Variants in PDXDC1 observed in about 807,000 individuals in gnomAD.
PDXDC1 encodes pyridoxal-dependent decarboxylase domain-containing protein 1.
Under a neutral mutation model 100.1 loss-of-function variants are expected in PDXDC1, and 42 were observed. The ratio of observed to expected loss-of-function variants is 0.42; its 90% CI spans 0.33 to 0.54. The LOEUF (loss-of-function observed/expected upper bound fraction) is 0.54, where lower values mean the gene tolerates loss of function less well. Among genes scored for constraint, PDXDC1 ranks in the 20% least tolerant of loss-of-function variants. PDXDC1 has a pLI of 0.10. For missense variants in PDXDC1, 636 were observed against 979.2 expected (o/e 0.65, Z 4.68); for synonymous variants, 260 against 371.7 (o/e 0.70, Z 3.46).
chr16:15,078,812 CTT>C (rs5816111), intron 16 of PDXDC1, among the ~76,000 whole-genome samples: 111 of 117,636 alleles, frequency 9.4e-4, no homozygotes, highest in Middle Eastern at 4.7e-3. Context: ...GTATTTTTTT[CTT>C]TTTTTTTTTT....
the PDXDC1 span, among the ~76,000 whole-genome samples, chr16:15,148,369 G>GTTTTTTTT: frequency 1.2e-5 from 1 of 82,344 alleles, no homozygotes. Context: ...CAGATCCTGT[G>GTTTTTTTT]ATTTTTTTTT....
At chr16:15,114,792 TTG>T (rs1337799087) in intron 16 of PDXDC1, among the ~76,000 whole-genome samples, 1 of 126,812 alleles carries the variant, frequency 7.9e-6, no homozygotes, top group Non-Finnish European at 1.7e-5. Flanking sequence ...ATGTGGGGTG[TTG>T]TCTTTCTTGG....
upstream of PDXDC1, chr16:14,974,777 G>T: frequency 6.5e-7 from 1 of 1,535,500 alleles, no homozygotes; most frequent in Non-Finnish European, 8.7e-7. Context: ...TGAGGCGGGA[G>T]ACTTGGAAGC....
intron 1 of PDXDC1, among the ~76,000 whole-genome samples, chr16:14,981,043 CT>C (rs1261162841): frequency 1.3e-5 from 2 of 152,250 alleles, no homozygotes; most frequent in African/African-American, 4.8e-5. Context: ...TGGACAAATC[CT>C]TGTATAGAAA....
In PDXDC1 at chr16:15,036,318, G is replaced by A. The variant is rs367659221; in HGVS notation, c.*43G>A. 5.2e-5 allele frequency: 80 copies of A among 1,525,402 alleles called. 1 individual carries two copies. Among genetic ancestry groups the A allele is most frequent in the Non-Finnish European group, 5.8e-5 (65 of 1,117,176 alleles). 94.5% of individuals were successfully genotyped at this position (1,525,402 alleles called of 1,614,324 possible). ...GAGACTGTACTGAGTATTGTTTCAG[G>A]GAAGATGAAGTTCTATTGGAAATGT... On this transcript the variant is annotated 3_prime_UTR_variant, in exon 23 of 23. Coordinates refer to ENST00000396410, the MANE Select transcript of PDXDC1 (RefSeq NM_015027.4).
the PDXDC1 span, among the ~76,000 whole-genome samples, chr16:15,145,799 G>A: frequency 6.6e-6 from 1 of 152,276 alleles, no homozygotes; most frequent in African/African-American, 2.4e-5. Context: ...AGACGTGCCC[G>A]GCCTCAGCCA....
At chr16:15,111,003 C>A (rs1256100960) in intron 16 of PDXDC1, among the ~76,000 whole-genome samples, 1 of 148,020 alleles carries the variant, frequency 6.8e-6, no homozygotes, top group Admixed American at 6.8e-5. Flanking sequence ...GCAGTGGGCG[C>A]CTGTAATCCG....
At chr16:15,128,541 A>C (rs553437377) in intron 16 of PDXDC1, among the ~76,000 whole-genome samples, 33 of 152,254 alleles carry the variant, frequency 2.2e-4, no homozygotes, top group East Asian at 2.1e-3. Flanking sequence ...CGAGGAGCTG[A>C]GGTTACTGCA....
At chr16:15,088,113 T>A (rs568042190) in intron 16 of PDXDC1, among the ~76,000 whole-genome samples, 1 of 150,990 alleles carries the variant, frequency 6.6e-6, no homozygotes, top group Non-Finnish European at 1.5e-5. Context: ...CAAAACTCCG[T>A]CTCAAAAAGA....
At chr16:15,130,507 T>A in intron 16 of PDXDC1, 1 of 1,353,752 alleles carries the variant, frequency 7.4e-7, no homozygotes, top group South Asian at 1.2e-5. Flanking sequence ...AGGTTGGATA[T>A]CGGAGTCCCA....
intron 16 of PDXDC1, chr16:15,084,785 G>T: frequency 5.0e-6 from 5 of 1,007,230 alleles, no homozygotes; most frequent in Non-Finnish European, 7.9e-6. Context: ...ATAAATGCTG[G>T]CTGGGCACAG....
chr16:15,033,112 A>ACCTACCTCCC (rs2043167836), intron 18 of PDXDC1, 133 bp downstream of exon 18: 1 of 958,732 alleles, frequency 1.0e-6, no homozygotes, highest in Non-Finnish European at 1.6e-6. Context: ...CGGTTCTGAG[A>ACCTACCTCCC]CCTCCCTCCC....
chr16:15,148,015 CCGTTTCCTAGT>C, the PDXDC1 span, among the ~76,000 whole-genome samples: 152 of 150,618 alleles, frequency 1.0e-3, no homozygotes, highest in Admixed American at 1.7e-3. Flanking sequence ...TTTTTAAAGA[CCGTTTCCTAGT>C]CACCCAGGCT....
intron 16 of PDXDC1, among the ~76,000 whole-genome samples, chr16:15,072,554 C>T (rs1000589940): frequency 3.3e-5 from 5 of 152,054 alleles, no homozygotes; most frequent in African/African-American, 9.7e-5. Context: ...GTAATCCCAA[C>T]GCTTTGCGGG....
intron 5 of PDXDC1, among the ~76,000 whole-genome samples, chr16:15,005,228 G>A (rs1973999641): frequency 6.6e-6 from 1 of 151,660 alleles, no homozygotes; most frequent in Non-Finnish European, 1.5e-5. Flanking sequence ...GCGTGGTAGT[G>A]AGCACCTGTA....
At chr16:14,977,269 CTTTTTTTTT>C (rs5816116) in intron 1 of PDXDC1, among the ~76,000 whole-genome samples, 29 of 95,058 alleles carry the variant, frequency 3.1e-4, no homozygotes, top group Admixed American at 5.6e-4. Flanking sequence ...ATGGGACTTA[CTTTTTTTTT>C]TTTTTTTTTT....
At position 15,131,111 on chromosome 16, in the gene PDXDC1, G is replaced by A. The variant is rs779322469; in HGVS notation, c.1400-7768G>A. 9 of 1,606,718 alleles carry A rather than the reference G, an allele frequency of 5.6e-6. No individual in the cohort carries two copies. In the East Asian group the frequency reaches 1.8e-4, roughly 32 times the overall value. On this transcript the variant is annotated intron_variant, in intron 16 of 16. Coordinates refer to the PDXDC1 transcript ENST00000535621. ...CCGTCCAGCAGCGTATAGTTGAGCT[G>A]CAGATGCAGCACGGCCGCAGGGTTG... is the stretch of plus-strand genomic sequence containing the variant.
At chr16:15,022,171 G>A (rs945602630) in intron 12 of PDXDC1, among the ~76,000 whole-genome samples, 2 of 152,298 alleles carry the variant, frequency 1.3e-5, no homozygotes, top group Admixed American at 6.5e-5. Flanking sequence ...AGCACTTCCT[G>A]TATTGCATAT....
downstream of PDXDC1, among the ~76,000 whole-genome samples, chr16:15,141,636 T>C (rs890968137): frequency 6.6e-5 from 10 of 152,084 alleles, no homozygotes; most frequent in African/African-American, 2.4e-4. Context: ...TGAACCCTGC[T>C]TCTCTGCCGT....
Sources: gnomAD v4.1 joint callset for allele counts (sites outside exome capture counted in the v4.1 genomes callset) on GRCh38, gnomAD v4.1.1 for gene constraint, MANE v1.5 for transcripts, NCBI Gene and HGNC (gene_info 2026-07-23, HGNC 2026-07-21) for gene names.